SEPTIN14: variants seen among roughly 807,000 people sequenced by gnomAD.
SEPTIN14 encodes the protein septin 14, also known as septin-14.
In SEPTIN14, 40 loss-of-function variants were observed where a neutral mutation model predicts 53.6. That is an observed-to-expected ratio of 0.75 (90% CI 0.58 to 0.97). The LOEUF (loss-of-function observed/expected upper bound fraction) is 0.97, where lower values mean the gene tolerates loss of function less well. Ranked by LOEUF, SEPTIN14 falls within the 50% of genes least tolerant of loss-of-function variation. SEPTIN14 has a pLI of 0.00. For missense variants in SEPTIN14, 471 were observed against 508.2 expected (o/e 0.93, Z 0.70); for synonymous variants, 138 against 166.8 (o/e 0.83, Z 1.33).
intron 6 of SEPTIN14, among the ~76,000 whole-genome samples, chr7:55,830,123 A>C (rs1789072919): frequency 6.8e-6 from 1 of 147,508 alleles, no homozygotes; most frequent in South Asian, 2.1e-4. Context: ...GCTTGCAGTG[A>C]GCAGAGATCG....
At chr7:55,809,489 G>T (rs991726241) in intron 7 of SEPTIN14, among the ~76,000 whole-genome samples, 6 of 151,504 alleles carry the variant, frequency 4.0e-5, no homozygotes, top group African/African-American at 1.5e-4. Flanking sequence ...TTAAGTAGCT[G>T]GGATTACAGG....
intron 5 of SEPTIN14, among the ~76,000 whole-genome samples, chr7:55,840,318 T>C (rs1789286835): frequency 6.7e-6 from 1 of 150,272 alleles, no homozygotes; most frequent in Non-Finnish European, 1.5e-5. Flanking sequence ...GTGAAACTCA[T>C]CTCTACTAAA....
At position 55,846,543 on chromosome 7, in the gene SEPTIN14, C is replaced by G. The variant is rs200284103; in HGVS notation, c.149G>C (p.Gly50Ala). The G allele has an allele frequency of 1.3e-5, 20 of 1,595,940 alleles. No homozygotes were observed. The South Asian group carries it at 2.3e-4, about 18-fold the overall frequency. Residue 50 changes from glycine (G) to alanine (A), a missense_variant, in exon 3 of 10, where the codon GGA becomes GCA. Gly to Ala is a moderately conservative substitution (Grantham distance 60). Coordinates refer to ENST00000388975, the MANE Select transcript of SEPTIN14 (RefSeq NM_207366.3). ...CACACAGAGAATATTAAAAGTGAATCCTTGTCGGATAGATCTGCTCACCAA... is the reference window on the plus strand; with the variant it reads ...CACACAGAGAATATTAAAAGTGAATGCTTGTCGGATAGATCTGCTCACCAA... Reference protein sequence around the residue: ...NQLVSRSIRQGFTFNILCVGE... With the variant: ...NQLVSRSIRQAFTFNILCVGE...
At chr7:55,834,913 G>T (rs1052949765) in intron 5 of SEPTIN14, among the ~76,000 whole-genome samples, 1 of 152,162 alleles carries the variant, frequency 6.6e-6, no homozygotes, top group African/African-American at 2.4e-5. Context: ...CCAAAGTGCT[G>T]GGATTACAGG....
At chr7:55,852,074 A>G (rs1789526320) in intron 2 of SEPTIN14, among the ~76,000 whole-genome samples, 1 of 151,532 alleles carries the variant, frequency 6.6e-6, no homozygotes, top group African/African-American at 2.4e-5. Flanking sequence ...CCTGAGAGGC[A>G]GAGGTTGCAG....
intron 6 of SEPTIN14, among the ~76,000 whole-genome samples, chr7:55,829,864 T>TA (rs1789065105): frequency 7.2e-6 from 1 of 139,384 alleles, no homozygotes; most frequent in Admixed American, 7.4e-5. Context: ...TAGCTTAAAT[T>TA]ACAAAAGTAA....
rs375283178 is a variant in SEPTIN14, at chr7:55,843,789, G to A, written c.372-661C>T. On this transcript the variant is annotated intron_variant, in intron 4 of 9. Transcript: ENST00000388975. ...AAAGCTTACAGTGAGCCGAGATCGC[G>A]CCACTGCGCTCTAGCCTGGGCAACA... Among the ~76,000 whole-genome samples, 1,032 of 152,270 alleles carry A rather than the reference G, an allele frequency of 6.8e-3. 16 individuals are homozygous for A. The highest frequency in any genetic ancestry group is 0.023 in the African/African-American group (939 of 41,548).
At chr7:55,846,720 ATAAAT>A (rs1462533078) in intron 2 of SEPTIN14, 83 bp from the exon 3 acceptor site, 16 of 661,964 alleles carry the variant, frequency 2.4e-5, no homozygotes, top group Non-Finnish European at 4.0e-5. Flanking sequence ...AGTACATCAA[ATAAAT>A]TAGAATTGAT....
chr7:55,823,253 C>T (rs929431655), intron 6 of SEPTIN14, among the ~76,000 whole-genome samples: 3 of 152,148 alleles, frequency 2.0e-5, no homozygotes, highest in African/African-American at 7.2e-5. Context: ...GTTGTGCCCA[C>T]CTTTGGGTGG....
At chr7:55,804,299 G>C (rs1224911201) in intron 9 of SEPTIN14, among the ~76,000 whole-genome samples, 1 of 146,150 alleles carries the variant, frequency 6.8e-6, no homozygotes, top group Non-Finnish European at 1.5e-5. Context: ...TCTCACTCTC[G>C]CCCAGGCTGG....
At chr7:55,851,737 G>C (rs530051632) in intron 2 of SEPTIN14, among the ~76,000 whole-genome samples, 145 of 151,960 alleles carry the variant, frequency 9.5e-4, no homozygotes, top group African/African-American at 3.3e-3. Context: ...GGCCGGGCGC[G>C]GTGGCTCACA....
intron 6 of SEPTIN14, among the ~76,000 whole-genome samples, chr7:55,826,171 T>TG (rs1246453869): frequency 1.3e-5 from 2 of 152,090 alleles, no homozygotes; most frequent in Non-Finnish European, 2.9e-5. Context: ...CTTTGCTTTT[T>TG]GGGGGGTGAG....
chr7:55,797,779 G>A (rs1329411030), intron 9 of SEPTIN14, among the ~76,000 whole-genome samples: 1 of 152,154 alleles, frequency 6.6e-6, no homozygotes, highest in Non-Finnish European at 1.5e-5. Flanking sequence ...GACCAGCCTG[G>A]CCAACATGGC....
intron 7 of SEPTIN14, among the ~76,000 whole-genome samples, chr7:55,816,018 T>TA (rs1187268155): frequency 2.0e-5 from 3 of 152,218 alleles, no homozygotes; most frequent in East Asian, 1.9e-4. Flanking sequence ...TATTCAGCCA[T>TA]AAAAAATAAT....
At chr7:55,825,547 A>G (rs1426104855) in intron 6 of SEPTIN14, among the ~76,000 whole-genome samples, 1 of 152,250 alleles carries the variant, frequency 6.6e-6, no homozygotes, top group Admixed American at 6.5e-5. Flanking sequence ...CAAATGCACC[A>G]CACTTAATGC....
In SEPTIN14 at chr7:55,804,497, G is replaced by C. The variant is rs946604747; in HGVS notation, c.1119+761C>G. Among the ~76,000 whole-genome samples, 4 of 151,998 alleles carry C rather than the reference G, an allele frequency of 2.6e-5. No individual in the cohort carries two copies. The South Asian group carries it at 6.2e-4, about 24-fold the overall frequency. ...TGGTCTTGAACTCCTGGCTTTAGGG[G>C]ATCCGCCCGCCTCCATCTCCCAAAG... On this transcript the variant is annotated intron_variant, in intron 9 of 9. Coordinates refer to ENST00000388975, the MANE Select transcript of SEPTIN14 (RefSeq NM_207366.3).
In SEPTIN14 at chr7:55,810,128, G is replaced by A. The variant is rs1046448246; in HGVS notation, c.818-2870C>T. Among the ~76,000 whole-genome samples the A allele has an allele frequency of 2.0e-4, 31 of 151,946 alleles. 1 individual carries two copies. The highest frequency in any genetic ancestry group is 6.2e-4 in the South Asian group (3 of 4,806). On this transcript the variant is annotated intron_variant, in intron 7 of 9. Transcript: ENST00000388975. ...ATTACAGGTGTGAGCCACTGCGCCCGGCCTGTCTTTTTGATAATAGTCATT... is the reference window on the plus strand; with the variant it reads ...ATTACAGGTGTGAGCCACTGCGCCCAGCCTGTCTTTTTGATAATAGTCATT...
At chr7:55,799,574 T>C (rs574996337) in intron 9 of SEPTIN14, among the ~76,000 whole-genome samples, 32 of 143,740 alleles carry the variant, frequency 2.2e-4, no homozygotes, top group Non-Finnish European at 4.3e-4. Flanking sequence ...ATGCAAATTA[T>C]AGGCAAAAGA....
At chr7:55,861,374 T>C (rs1789746466) in intron 2 of SEPTIN14, among the ~76,000 whole-genome samples, 1 of 151,906 alleles carries the variant, frequency 6.6e-6, no homozygotes, top group Non-Finnish European at 1.5e-5. Context: ...TGAAGGCAGG[T>C]GCCTGTAATC....
Sources: gnomAD v4.1 joint callset for allele counts (sites outside exome capture counted in the v4.1 genomes callset) on GRCh38, gnomAD v4.1.1 for gene constraint, MANE v1.5 for transcripts, NCBI Gene and HGNC (gene_info 2026-07-23, HGNC 2026-07-21) for gene names.